The following CDH18 variants were observed in gnomAD, a reference collection of about 807,000 sequenced individuals.
CDH18 encodes cadherin-18.
A neutral mutation model predicts 67.9 loss-of-function variants in CDH18; 31 were observed. The ratio of observed to expected loss-of-function variants is 0.46; its 90% CI spans 0.34 to 0.62. CDH18 has a LOEUF of 0.62. Among genes scored for constraint, CDH18 ranks in the 20% least tolerant of loss-of-function variants. CDH18 has a pLI of 0.01. For synonymous variants in CDH18, 362 were observed against 347.2 expected, an observed-to-expected ratio of 1.04 and a Z score of -0.48; for missense variants, 890 against 975.5, an observed-to-expected ratio of 0.91 and a Z score of 1.17.
chr5:20,516,899 C>G (rs1030372773), intron 1 of CDH18, among the ~76,000 whole-genome samples: 4 of 151,838 alleles, frequency 2.6e-5, no homozygotes, highest in African/African-American at 9.7e-5. Flanking sequence ...ATCTTGAAGA[C>G]AAGTTCAAGT....
At chr5:19,498,241 T>C (rs1404054793) in intron 11 of CDH18, among the ~76,000 whole-genome samples, 1 of 152,198 alleles carries the variant, frequency 6.6e-6, no homozygotes, top group Non-Finnish European at 1.5e-5. Context: ...AGACACTGTA[T>C]CTTCCAAGGC....
intron 9 of CDH18, among the ~76,000 whole-genome samples, chr5:19,543,324 T>C (rs547500347): frequency 6.6e-6 from 1 of 152,166 alleles, no homozygotes; most frequent in Admixed American, 6.5e-5. Context: ...TGGGTGGAGG[T>C]AGAACAAGAG....
intron 4 of CDH18, among the ~76,000 whole-genome samples, chr5:19,746,625 T>C (rs745916755): frequency 7.2e-5 from 11 of 152,188 alleles, no homozygotes; most frequent in African/African-American, 2.7e-4. Context: ...ACAATATACA[T>C]GTAGAATTCA....
chr5:20,233,406 ACT>A (rs1742228491), intron 2 of CDH18, among the ~76,000 whole-genome samples: 1 of 151,764 alleles, frequency 6.6e-6, no homozygotes. Flanking sequence ...TTTATATATT[ACT>A]CTGTCATATA....
chr5:19,563,324 T>C (rs924114619), intron 8 of CDH18, among the ~76,000 whole-genome samples: 4 of 152,226 alleles, frequency 2.6e-5, no homozygotes, highest in African/African-American at 9.6e-5. Flanking sequence ...GAACTTTAGT[T>C]TCTTCATCTA....
intron 2 of CDH18, among the ~76,000 whole-genome samples, chr5:19,863,766 C>A (rs534345587): frequency 6.6e-6 from 1 of 152,300 alleles, no homozygotes; most frequent in African/African-American, 2.4e-5. Context: ...AGAGACTGGG[C>A]AGCCACCAAC....
chr5:19,893,429 GC>G (rs542700023), intron 2 of CDH18, among the ~76,000 whole-genome samples: 143 of 152,232 alleles, frequency 9.4e-4, no homozygotes, highest in East Asian at 4.2e-3. Flanking sequence ...ACAAGGAATT[GC>G]TGAATCACAC....
At chr5:19,484,982 T>C (rs1357822523) in intron 11 of CDH18, among the ~76,000 whole-genome samples, 2 of 151,270 alleles carry the variant, frequency 1.3e-5, no homozygotes, top group East Asian at 1.9e-4. Context: ...ATTCTGAAAA[T>C]AGAAATTGTA....
At chr5:19,614,025 A>G (rs1213297556) in intron 5 of CDH18, among the ~76,000 whole-genome samples, 3 of 152,098 alleles carry the variant, frequency 2.0e-5, no homozygotes, top group Admixed American at 1.3e-4. Flanking sequence ...TTACAGTACA[A>G]TTCTTAAGAA....
chr5:19,589,411 GA>G (rs1191990653), intron 7 of CDH18, among the ~76,000 whole-genome samples: 1 of 151,930 alleles, frequency 6.6e-6, no homozygotes, highest in Admixed American at 6.6e-5. Flanking sequence ...TAATCTTTTA[GA>G]AAAAATTAAT....
At chr5:19,546,007 C>T (rs375609928) in intron 8 of CDH18, among the ~76,000 whole-genome samples, 8 of 152,098 alleles carry the variant, frequency 5.3e-5, no homozygotes, top group African/African-American at 1.9e-4. Flanking sequence ...TGGTGACAGC[C>T]AAAGGAGAGA....
chr5:19,806,738 T>C (rs567653885), intron 3 of CDH18, among the ~76,000 whole-genome samples: 19 of 152,218 alleles, frequency 1.2e-4, no homozygotes, highest in Non-Finnish European at 2.8e-4. Context: ...CTATTGCCTA[T>C]TAACTCTTTA....
At chr5:20,538,165 T>C (rs1756834716) in intron 1 of CDH18, among the ~76,000 whole-genome samples, 1 of 151,970 alleles carries the variant, frequency 6.6e-6, no homozygotes, top group South Asian at 2.1e-4. Flanking sequence ...CACATCACTA[T>C]GAATGTAAGA....
intron 2 of CDH18, among the ~76,000 whole-genome samples, chr5:20,217,420 T>C (rs1740870365): frequency 6.6e-6 from 1 of 151,920 alleles, no homozygotes; most frequent in Admixed American, 6.6e-5. Flanking sequence ...TCCTTGTTTG[T>C]TTGTTTATTA....
intron 1 of CDH18, among the ~76,000 whole-genome samples, chr5:20,350,013 G>T (rs1741035041): frequency 6.6e-6 from 1 of 152,114 alleles, no homozygotes; most frequent in African/African-American, 2.4e-5. Context: ...ACTCAACCTG[G>T]AAGCAGAAAT....
chr5:19,616,598 G>A (rs114487486), intron 5 of CDH18, among the ~76,000 whole-genome samples: 106 of 152,176 alleles, frequency 7.0e-4, no homozygotes, highest in African/African-American at 2.1e-3. Flanking sequence ...CAATTATCCT[G>A]AAGTTTCCTC....
At chr5:20,497,270 A>C (rs1424514489) in intron 1 of CDH18, among the ~76,000 whole-genome samples, 1 of 152,140 alleles carries the variant, frequency 6.6e-6, no homozygotes, top group East Asian at 1.9e-4. Context: ...CTTGTCAAAG[A>C]ATTAACTAAT....
At chr5:19,991,227 T>G (rs937307349), upstream of CDH18, among the ~76,000 whole-genome samples, 2 of 152,204 alleles carry the variant, frequency 1.3e-5, no homozygotes, top group Non-Finnish European at 2.9e-5. Context: ...AAGGGAGCAA[T>G]GTAAACAAAA....
chr5:19,557,981 T>C (rs2127188402), intron 8 of CDH18, among the ~76,000 whole-genome samples: 1 of 152,028 alleles, frequency 6.6e-6, no homozygotes, highest in East Asian at 1.9e-4. Context: ...GAAAATCAAC[T>C]CTAAAATGAA....
Sources: gnomAD v4.1 joint callset for allele counts (sites outside exome capture counted in the v4.1 genomes callset) on GRCh38, gnomAD v4.1.1 for gene constraint, MANE v1.5 for transcripts, NCBI Gene and HGNC (gene_info 2026-07-23, HGNC 2026-07-21) for gene names.